Variants in SYT1 observed in about 807,000 individuals in gnomAD.
SYT1 encodes synaptotagmin 1, also known as synaptotagmin-1.
Under a neutral mutation model 44.8 loss-of-function variants are expected in SYT1, and 8 were observed. That is an observed-to-expected ratio of 0.18 (90% CI 0.10 to 0.32). SYT1 has a LOEUF of 0.32. SYT1 is among the 10% of genes least tolerant of loss of function. The pLI, the probability that SYT1 is intolerant of heterozygous loss-of-function variation, is 1.00. For missense variants in SYT1, 286 were observed against 509.3 expected, an observed-to-expected ratio of 0.56 and a Z score of 4.22; for synonymous variants, 154 against 188.8, an observed-to-expected ratio of 0.82 and a Z score of 1.51.
intron 3 of SYT1, among the ~76,000 whole-genome samples, chr12:79,136,225 A>G (rs1159797022): frequency 1.3e-5 from 2 of 152,228 alleles, no homozygotes; most frequent in East Asian, 3.8e-4. Context: ...TTGAACTCTT[A>G]TTAACAGTCT....
chr12:78,875,274 G>T (rs1194532871), intron 1 of SYT1, among the ~76,000 whole-genome samples: 1 of 151,552 alleles, frequency 6.6e-6, no homozygotes, highest in African/African-American at 2.4e-5. Flanking sequence ...GCACCATTTG[G>T]ATGCTGGGGA....
intron 9 of SYT1, among the ~76,000 whole-genome samples, chr12:79,440,953 G>A (rs17005598): frequency 0.033 from 5,080 of 152,200 alleles, 265 homozygotes; most frequent in African/African-American, 0.11. Context: ...AGTTCAGGAC[G>A]AGACTTCAAT....
At chr12:78,921,225 T>C (rs1340199323) in intron 1 of SYT1, among the ~76,000 whole-genome samples, 1 of 151,950 alleles carries the variant, frequency 6.6e-6, no homozygotes, top group Non-Finnish European at 1.5e-5. Flanking sequence ...TACTTTAGAG[T>C]AGAAATTTTG....
intron 4 of SYT1, among the ~76,000 whole-genome samples, chr12:79,267,092 A>C (rs1201837861): frequency 6.6e-6 from 1 of 152,196 alleles, no homozygotes; most frequent in Non-Finnish European, 1.5e-5. Context: ...TCTTAAAAGA[A>C]AGGTAGTGGA....
At position 78,921,139 on chromosome 12, in the gene SYT1, T is replaced by C. The variant is rs1367605261; in HGVS notation, c.-217+56030T>C. 2.6e-5 allele frequency among the ~76,000 whole-genome samples: 4 copies of C among 152,146 alleles called. No individual in the cohort carries two copies. In the East Asian group the frequency reaches 7.7e-4, roughly 29 times the overall value. Reference sequence around the variant, plus strand: ...TTAGTACAGTTGTATAGTGTGATTATAAGTTCTCTATCTCATGTTTTTACC... The same window carrying C: ...TTAGTACAGTTGTATAGTGTGATTACAAGTTCTCTATCTCATGTTTTTACC... On this transcript the variant is annotated intron_variant, in intron 1 of 10. Transcript: ENST00000261205.
intron 2 of SYT1, among the ~76,000 whole-genome samples, chr12:79,017,404 T>C (rs1428051124): frequency 6.6e-6 from 1 of 152,138 alleles, no homozygotes; most frequent in African/African-American, 2.4e-5. Context: ...GTAGAGTCTC[T>C]AATTGAGACA....
At chr12:79,325,178 T>C (rs913982943) in intron 8 of SYT1, among the ~76,000 whole-genome samples, 1 of 152,200 alleles carries the variant, frequency 6.6e-6, no homozygotes, top group African/African-American at 2.4e-5. Context: ...GGCCAAACCA[T>C]CTGCTTATTT....
chr12:79,082,345 G>A (rs1278180827), intron 3 of SYT1, among the ~76,000 whole-genome samples: 1 of 152,120 alleles, frequency 6.6e-6, no homozygotes, highest in Non-Finnish European at 1.5e-5. Context: ...TCACAGGATA[G>A]CAACTTTCCA....
chr12:78,986,016 T>C (rs1322921295), intron 2 of SYT1, among the ~76,000 whole-genome samples: 1 of 152,062 alleles, frequency 6.6e-6, no homozygotes, highest in East Asian at 1.9e-4. Flanking sequence ...TTGCCTGCTT[T>C]TTATGTAACC....
intron 3 of SYT1, among the ~76,000 whole-genome samples, chr12:79,048,715 C>A (rs546605597): frequency 1.3e-5 from 2 of 151,828 alleles, no homozygotes; most frequent in African/African-American, 4.8e-5. Context: ...AGGTTACGGG[C>A]ATGTTTACAT....
intron 3 of SYT1, among the ~76,000 whole-genome samples, chr12:79,056,047 T>C (rs1483774196): frequency 6.6e-6 from 1 of 152,024 alleles, no homozygotes; most frequent in East Asian, 1.9e-4. Context: ...TACAGGTTTG[T>C]AGCCCAAGAA....
intron 9 of SYT1, among the ~76,000 whole-genome samples, chr12:79,375,110 T>C (rs1212752301): frequency 1.3e-5 from 2 of 152,226 alleles, no homozygotes; most frequent in Non-Finnish European, 2.9e-5. Flanking sequence ...TAATCTTTTT[T>C]ATTTTTTTCA....
chr12:79,349,100 C>T (rs746831714), intron 8 of SYT1, among the ~76,000 whole-genome samples: 2 of 130,926 alleles, frequency 1.5e-5, no homozygotes, highest in South Asian at 2.4e-4. Context: ...GAAGGAAGGA[C>T]GGACAAACAG....
chr12:79,308,612 A>G (rs752995721), intron 8 of SYT1, among the ~76,000 whole-genome samples: 2 of 134,238 alleles, frequency 1.5e-5, no homozygotes, highest in East Asian at 2.4e-4. Context: ...GAAAGAAAGA[A>G]AAAGAAAGAA....
intron 3 of SYT1, among the ~76,000 whole-genome samples, chr12:79,081,175 T>G (rs933887137): frequency 3.9e-5 from 6 of 152,214 alleles, no homozygotes; most frequent in Admixed American, 3.3e-4. Flanking sequence ...CCTGTGCATA[T>G]GCATGTGTAC....
intron 8 of SYT1, among the ~76,000 whole-genome samples, chr12:79,326,538 GA>G (rs200475865): frequency 6.6e-6 from 1 of 151,662 alleles, no homozygotes; most frequent in Non-Finnish European, 1.5e-5. Context: ...TTGCCCTTTG[GA>G]AAAAAAATAC....
At chr12:79,052,298 G>GC (rs1370358595) in intron 3 of SYT1, among the ~76,000 whole-genome samples, 1 of 152,046 alleles carries the variant, frequency 6.6e-6, no homozygotes, top group African/African-American at 2.4e-5. Flanking sequence ...AAACTGGCTA[G>GC]CCATATGTAG....
chr12:79,400,369 C>G (rs79597475), intron 9 of SYT1, among the ~76,000 whole-genome samples: 6,918 of 152,200 alleles, frequency 0.045, 356 homozygotes, highest in East Asian at 0.2. Flanking sequence ...GTATTCAGGA[C>G]GTCTCCCCTC....
At chr12:79,293,400 T>G (rs1163445941) in intron 6 of SYT1, among the ~76,000 whole-genome samples, 1 of 53,834 alleles carries the variant, frequency 1.9e-5, no homozygotes, top group Non-Finnish European at 4.1e-5. Context: ...TAAAATAAAA[T>G]AAAATAAAAT....
Sources: allele counts gnomAD v4.1 joint callset (sites outside exome capture counted in the v4.1 genomes callset), GRCh38; gene constraint gnomAD v4.1.1; transcripts MANE v1.5; gene names NCBI Gene and HGNC (gene_info 2026-07-23, HGNC 2026-07-21).